MBNL2: variants seen among roughly 807,000 people sequenced by gnomAD.
MBNL2 encodes the protein muscleblind-like protein 2.
MBNL2 carries 17 observed loss-of-function variants against 41.9 expected under a neutral mutation model. The observed-to-expected ratio is 0.41, with a 90% CI of 0.28 to 0.61. The LOEUF (loss-of-function observed/expected upper bound fraction) is 0.61. Among genes scored for constraint, MBNL2 ranks in the 20% least tolerant of loss-of-function variants. The probability of loss-of-function intolerance (pLI) is 0.35; values close to 1 mark genes in which losing one functional copy is unlikely to be tolerated. For synonymous variants in MBNL2, 195 were observed against 182.9 expected (o/e 1.07, Z -0.53); for missense variants, 336 against 505.6 (o/e 0.66, Z 3.22).
chr13:97,174,925 T>G, the MBNL2 span, among the ~76,000 whole-genome samples: 1 of 152,166 alleles, frequency 6.6e-6, no homozygotes, highest in African/African-American at 2.4e-5. Context: ...CACAGATTAC[T>G]GGGAACCAGA....
the MBNL2 span, among the ~76,000 whole-genome samples, chr13:97,213,973 A>G: frequency 2.6e-5 from 4 of 152,238 alleles, no homozygotes; most frequent in African/African-American, 9.6e-5. Flanking sequence ...TGTCTTCATC[A>G]GGCAGCAGGC....
intron 1 of MBNL2, among the ~76,000 whole-genome samples, chr13:97,232,034 T>C (rs1043946641): frequency 6.6e-6 from 1 of 152,214 alleles, no homozygotes; most frequent in Non-Finnish European, 1.5e-5. Flanking sequence ...GGAAGGGTTA[T>C]ATGCCATTAA....
intron 1 of MBNL2, among the ~76,000 whole-genome samples, chr13:97,232,304 G>C (rs1482487558): frequency 6.6e-6 from 1 of 152,158 alleles, no homozygotes; most frequent in Non-Finnish European, 1.5e-5. Flanking sequence ...TTTAGAGGAA[G>C]TGTTCCCTAC....
At chr13:97,156,484 G>A in the MBNL2 span, among the ~76,000 whole-genome samples, 3 of 137,464 alleles carry the variant, frequency 2.2e-5, no homozygotes, top group African/African-American at 5.6e-5. Context: ...CCTATGTCCT[G>A]AATGGTAATG....
At chr13:97,256,958 A>C (rs2047658111) in intron 1 of MBNL2, among the ~76,000 whole-genome samples, 1 of 152,240 alleles carries the variant, frequency 6.6e-6, no homozygotes, top group African/African-American at 2.4e-5. Flanking sequence ...GTAATCATAA[A>C]AATTGTTTTG....
chr13:97,341,769 G>A (rs1191218680), intron 3 of MBNL2, among the ~76,000 whole-genome samples: 1 of 152,114 alleles, frequency 6.6e-6, no homozygotes, highest in Non-Finnish European at 1.5e-5. Context: ...TTTCATAAGA[G>A]ATATTTTTCT....
At chr13:97,181,462 T>C in the MBNL2 span, among the ~76,000 whole-genome samples, 1 of 152,142 alleles carries the variant, frequency 6.6e-6, no homozygotes, top group African/African-American at 2.4e-5. Context: ...CTCAGAAACA[T>C]AGGGAGATTT....
chr13:97,227,396 G>A (rs1255916781), intron 1 of MBNL2, among the ~76,000 whole-genome samples: 14 of 152,170 alleles, frequency 9.2e-5, no homozygotes, highest in Non-Finnish European at 1.8e-4. Context: ...GCGGCCGTTT[G>A]CAATCCACAA....
At chr13:97,226,420 C>A (rs2041615271) in intron 1 of MBNL2, among the ~76,000 whole-genome samples, 1 of 152,216 alleles carries the variant, frequency 6.6e-6, no homozygotes, top group African/African-American at 2.4e-5. Flanking sequence ...GTTTATTAAA[C>A]ACCTCTGGGC....
At chr13:97,369,699 G>A (rs548856587) in intron 8 of MBNL2, among the ~76,000 whole-genome samples, 82 of 152,228 alleles carry the variant, frequency 5.4e-4, no homozygotes, top group Non-Finnish European at 6.3e-4. Context: ...ATTACCCCAC[G>A]GGGAGCCAAG....
intron 2 of MBNL2, among the ~76,000 whole-genome samples, chr13:97,324,852 G>A (rs1175541651): frequency 6.6e-6 from 1 of 152,172 alleles, no homozygotes; most frequent in Non-Finnish European, 1.5e-5. Context: ...TCCTGCATGG[G>A]AGAAACATGA....
intron 6 of MBNL2, 24 bp from the exon 7 acceptor site, chr13:97,357,458 T>A: frequency 6.2e-7 from 1 of 1,606,740 alleles, no homozygotes; most frequent in South Asian, 1.1e-5. Flanking sequence ...GTTAGACATA[T>A]CTTATCGAAT....
chr13:97,242,620 G>T (rs1457026637), intron 1 of MBNL2, among the ~76,000 whole-genome samples: 1 of 152,142 alleles, frequency 6.6e-6, no homozygotes, highest in East Asian at 1.9e-4. Flanking sequence ...CAGTCCCCGA[G>T]AAATGTAGGG....
chr13:97,378,026 G>A (rs190560778), intron 8 of MBNL2, among the ~76,000 whole-genome samples: 38 of 149,844 alleles, frequency 2.5e-4, no homozygotes, highest in South Asian at 6.3e-4. Flanking sequence ...AGAGGTGTCC[G>A]TAGAGAGTCA....
Position 97,316,507 on chromosome 13 carries a change from C to T in MBNL2, c.175-17769C>T, listed in dbSNP as rs184263224. On this transcript the variant is annotated intron_variant, in intron 2 of 8. Coordinates refer to ENST00000679496, the MANE Select transcript of MBNL2 (RefSeq NM_001382683.1). The stretch of plus-strand genomic sequence containing the variant: ...CTACCTGGTCAAACCATGGTTGTTT[C>T]TCAGAACTCCTTTCCAGCTTGGCCC... 8.5e-5 allele frequency among the ~76,000 whole-genome samples: 13 copies of T among 152,354 alleles called. No homozygotes were observed. The East Asian group carries it at 2.1e-3, about 25-fold the overall frequency.
At chr13:97,365,271 T>C in intron 8 of MBNL2, 100 bp downstream of exon 8, 5 of 846,900 alleles carry the variant, frequency 5.9e-6, no homozygotes, top group South Asian at 5.4e-5. Flanking sequence ...TAGGAAATAG[T>C]AGATTTGAAG....
At chr13:97,358,507 A>G (rs2063159279) in intron 7 of MBNL2, among the ~76,000 whole-genome samples, 1 of 152,194 alleles carries the variant, frequency 6.6e-6, no homozygotes, top group Non-Finnish European at 1.5e-5. Flanking sequence ...CTGACCCCAA[A>G]AAGTCAGATA....
intron 1 of MBNL2, among the ~76,000 whole-genome samples, chr13:97,237,861 A>G (rs2043576291): frequency 6.6e-6 from 1 of 152,196 alleles, no homozygotes; most frequent in South Asian, 2.1e-4. Context: ...TAGACCTGAG[A>G]ATTGCAGACG....
At chr13:97,305,278 A>T (rs974040471) in intron 2 of MBNL2, among the ~76,000 whole-genome samples, 1 of 152,216 alleles carries the variant, frequency 6.6e-6, no homozygotes, top group African/African-American at 2.4e-5. Context: ...CCCTATGCAT[A>T]ATTAAGAAAT....
Sources: gnomAD v4.1 joint callset for allele counts (sites outside exome capture counted in the v4.1 genomes callset) on GRCh38, gnomAD v4.1.1 for gene constraint, MANE v1.5 for transcripts, NCBI Gene and HGNC (gene_info 2026-07-23, HGNC 2026-07-21) for gene names.